The following CD300LG variants were observed in gnomAD, a reference collection of about 807,000 sequenced individuals.
CD300LG encodes CMRF35-like molecule 9.
In CD300LG, 29 loss-of-function variants were observed where a neutral mutation model predicts 31.5. The ratio of observed to expected loss-of-function variants is 0.92; its 90% CI spans 0.68 to 1.25. CD300LG has a LOEUF of 1.25. Among genes scored for constraint, CD300LG ranks in the 50% most tolerant of loss-of-function variants. The pLI is 0.00. For missense variants in CD300LG, 396 were observed against 417.6 expected (o/e 0.95, Z 0.45); for synonymous variants, 175 against 177.2 (o/e 0.99, Z 0.10).
intron 2 of CD300LG, 91 bp from the exon 3 acceptor site, chr17:43,852,821 G>C (rs776145041): frequency 1.3e-4 from 130 of 1,005,340 alleles, no homozygotes; most frequent in Non-Finnish European, 1.9e-4. Flanking sequence ...GTGCTGAGGT[G>C]GGGGGTAGGA....
intron 3 of CD300LG, 81 bp from the exon 4 acceptor site, chr17:43,853,726 C>A: frequency 8.6e-7 from 1 of 1,166,570 alleles, no homozygotes; most frequent in South Asian, 1.4e-5. Flanking sequence ...GGCTAGGGTT[C>A]AGGGGTCCAG....
chr17:43,858,317 A>T (rs2046582318), intron 6 of CD300LG: 2 of 1,001,742 alleles, frequency 2.0e-6, no homozygotes, highest in South Asian at 8.7e-5. Flanking sequence ...GGTGGGTGCC[A>T]CTGGCCACCT....
chr17:43,847,393 C>CGGGGGGGGGGG, intron 1 of CD300LG, 134 bp downstream of exon 1: 1 of 333,494 alleles, frequency 3.0e-6, no homozygotes, highest in South Asian at 2.6e-5. Context: ...GCGGGGCGGG[C>CGGGGGGGGGGG]TGGGGGTGGG....
At position 43,862,016 on chromosome 17, in the gene CD300LG, G is replaced by A. The variant is rs113689158; in HGVS notation, c.*105G>A. 1.1e-3 allele frequency: 788 copies of A among 727,900 alleles called. 3 individuals are homozygous for A. In the African/African-American group the frequency reaches 0.013, roughly 12 times the overall value. 45.1% of individuals were successfully genotyped at this position (727,900 alleles called of 1,614,324 possible). A position where few individuals can be genotyped will look rare whatever the true frequency, so the allele number is the denominator to read the frequency against. Reference sequence around the variant, plus strand: ...CCTCAGCCTCAGAGTCCAGCTGCCCGGACTCCAGGGCTCTCCCCACCCTCC... The same window carrying A: ...CCTCAGCCTCAGAGTCCAGCTGCCCAGACTCCAGGGCTCTCCCCACCCTCC... On this transcript the variant is annotated 3_prime_UTR_variant, in exon 7 of 7. Transcript: ENST00000317310.
chr17:43,849,195 C>T (rs1368040860), intron 2 of CD300LG: 1 of 536,640 alleles, frequency 1.9e-6, no homozygotes, highest in Non-Finnish European at 3.3e-6. Context: ...GGGAGATTTC[C>T]ATAGGCTGGG....
intron 6 of CD300LG, chr17:43,858,535 C>T (rs2046588634): frequency 1.2e-5 from 12 of 985,208 alleles, no homozygotes; most frequent in Non-Finnish European, 1.2e-5. Context: ...AGGGAGGGGA[C>T]AGGAAGGGGC....
At chr17:43,858,941 T>G (rs1597715414) in intron 6 of CD300LG, among the ~76,000 whole-genome samples, 1 of 152,314 alleles carries the variant, frequency 6.6e-6, no homozygotes, top group East Asian at 1.9e-4. Flanking sequence ...CTACTACGTG[T>G]CAGGGGCTTT....
intron 2 of CD300LG, among the ~76,000 whole-genome samples, chr17:43,850,387 C>T (rs1237692732): frequency 6.6e-6 from 1 of 152,214 alleles, no homozygotes; most frequent in Non-Finnish European, 1.5e-5. Flanking sequence ...AGAAGAATTT[C>T]TAAGAAAGTC....
chr17:43,853,703 C>T (rs1012670241), intron 3 of CD300LG, 104 bp from the exon 4 acceptor site: 51 of 888,260 alleles, frequency 5.7e-5, no homozygotes, highest in South Asian at 1.9e-4. Flanking sequence ...TTCCGAGAAA[C>T]GGGTCCCAGG....
At chr17:43,859,449 A>G (rs1231927915) in intron 6 of CD300LG, among the ~76,000 whole-genome samples, 2 of 152,084 alleles carry the variant, frequency 1.3e-5, no homozygotes, top group Non-Finnish European at 2.9e-5. Flanking sequence ...GGGGCAGGGG[A>G]GAGGTTGCAA....
chr17:43,861,332 G>A, intron 6 of CD300LG: 1 of 969,782 alleles, frequency 1.0e-6, no homozygotes, highest in South Asian at 4.8e-5. Flanking sequence ...TAGAGGAAGT[G>A]GAAGGAGGCC....
rs761264036 is a variant in CD300LG at position 43,848,720 on chromosome 17, A to G, written c.206A>G (p.Glu69Gly). ...TGCTCTGGCACCATCTATGCAGAAG[A>G]AGAAGGCCAGGAGACAATGAAGGGC... The part of the protein sequence containing the change: ...SRCSGTIYAE[E>G]EGQETMKGRV... The change falls in exon 2 of 7, where the codon GAA (glutamate) becomes GGA (glycine). Residue 69 changes from glutamate to glycine, a missense_variant. Glu to Gly is a moderately conservative substitution (Grantham distance 98). Coordinates refer to ENST00000317310, the MANE Select transcript of CD300LG (RefSeq NM_145273.4). 8.7e-6 allele frequency: 14 copies of G among 1,614,068 alleles called. No homozygotes were observed. Among genetic ancestry groups the G allele is most frequent in the Non-Finnish European group, 1.2e-5 (14 of 1,180,006 alleles).
At chr17:43,855,150 A>G in intron 4 of CD300LG, 57 bp from the exon 5 acceptor site, 1 of 1,187,900 alleles carries the variant, frequency 8.4e-7, no homozygotes, top group Non-Finnish European at 1.2e-6. Flanking sequence ...CCCCCAAAGG[A>G]CATAGACTCT....
At position 43,853,822 on chromosome 17, in the gene CD300LG, A is replaced by G. The variant is rs777125264; in HGVS notation, c.497A>G (p.Tyr166Cys). 23 of 1,613,752 alleles carry G rather than the reference A, an allele frequency of 1.4e-5. No homozygotes were observed. In the East Asian group the frequency reaches 5.1e-4, roughly 36 times the overall value. ...QPPGLTSPGL[Y>C]PAATTAKQGK... ...GGACTTGTAGCTTCTCCTGGGCTCT[A>G]CCCGGCAGCCACCACAGCCAAGCAG... Residue 166 changes from tyrosine to cysteine, a missense_variant, in exon 4 of 7, where the codon TAC becomes TGC. Coordinates refer to ENST00000317310, the MANE Select transcript of CD300LG (RefSeq NM_145273.4).
At position 43,861,971 on chromosome 17, in the gene CD300LG, C is replaced by T. The variant is rs16940274; in HGVS notation, c.*60C>T. 6.4e-6 allele frequency: 8 copies of T among 1,252,656 alleles called. No homozygotes were observed. The highest frequency in any genetic ancestry group is 8.8e-6 in the Non-Finnish European group (8 of 912,848). The allele number at this position is 1,252,656 out of a possible 1,614,324, so 77.6% of individuals were successfully genotyped here. On this transcript the variant is annotated 3_prime_UTR_variant, in exon 7 of 7. Coordinates refer to ENST00000317310, the MANE Select transcript of CD300LG (RefSeq NM_145273.4). ...GCAGTATGGCTGGCTGGATCAGCAC[C>T]GATTCCCGAAAGCTTTCCACCTCAG...
At chr17:43,858,841 A>C (rs1336206855) in intron 6 of CD300LG, among the ~76,000 whole-genome samples, 1 of 152,148 alleles carries the variant, frequency 6.6e-6, no homozygotes. Context: ...GGGAAGTCTT[A>C]GGGGTCAGAC....
At position 43,861,830 on chromosome 17, in the gene CD300LG, C is replaced by A; in HGVS notation, c.918C>A (p.Ala306=). Residue 306 remains alanine, a synonymous_variant, in exon 7 of 7, where the codon GCC becomes GCA. Coordinates refer to ENST00000317310, the MANE Select transcript of CD300LG (RefSeq NM_145273.4). The stretch of plus-strand genomic sequence containing the variant: ...AGGAAAAGGAAGCCCCTTCCCAGGC[C>A]CCTGAGGGGGACGTGATCTCGATGC... ...TAEEKEAPSQ[A]PEGDVISMPP... The A allele has an allele frequency of 6.2e-7, 1 of 1,612,088 alleles. No homozygotes were observed. The highest frequency in any genetic ancestry group is 1.1e-5 in the South Asian group (1 of 90,786).
chr17:43,851,133 C>CAAAAAAAAAAAAA (rs777282117), intron 2 of CD300LG, among the ~76,000 whole-genome samples: 1 of 40,600 alleles, frequency 2.5e-5, no homozygotes, highest in Non-Finnish European at 5.0e-5. Flanking sequence ...GACTCAGTCT[C>CAAAAAAAAAAAAA]AAAAAAAAAA....
chr17:43,848,422 A>T, intron 1 of CD300LG, 136 bp from the exon 2 acceptor site: 1 of 712,688 alleles, frequency 1.4e-6, no homozygotes. Context: ...GAGGTTAGTA[A>T]TGGCTCTTCC....
Sources: gnomAD v4.1 joint callset for allele counts (sites outside exome capture counted in the v4.1 genomes callset) on GRCh38, gnomAD v4.1.1 for gene constraint, MANE v1.5 for transcripts, NCBI Gene and HGNC (gene_info 2026-07-23, HGNC 2026-07-21) for gene names.